The following DYNC2LI1 variants were observed in gnomAD, a reference collection of about 807,000 sequenced individuals.
The protein encoded by DYNC2LI1 is cytoplasmic dynein 2 light intermediate chain 1.
A neutral mutation model predicts 51.9 loss-of-function variants in DYNC2LI1; 45 were observed. That is an observed-to-expected ratio of 0.87 (90% CI 0.68 to 1.11). The LOEUF is 1.11. DYNC2LI1 is among the 50% of genes most tolerant of loss of function. The pLI is 0.00. For synonymous variants in DYNC2LI1, 130 were observed against 137.8 expected (o/e 0.94, Z 0.40); for missense variants, 490 against 417.4 (o/e 1.17, Z -1.51).
At chr2:43,792,212 C>T (rs12475203) in intron 5 of DYNC2LI1, among the ~76,000 whole-genome samples, 7,010 of 152,004 alleles carry the variant, frequency 0.046, 322 homozygotes, top group African/African-American at 0.11. Flanking sequence ...TGTAATAGCA[C>T]AATAATTTTT....
the DYNC2LI1 span, among the ~76,000 whole-genome samples, chr2:43,826,750 C>T: frequency 6.6e-6 from 1 of 152,214 alleles, no homozygotes; most frequent in Non-Finnish European, 1.5e-5. Flanking sequence ...TCCTCCAGGG[C>T]ACAGGGAGTA....
chr2:43,799,926 A>T (rs1296605806), intron 8 of DYNC2LI1, among the ~76,000 whole-genome samples: 2 of 152,214 alleles, frequency 1.3e-5, no homozygotes, highest in Non-Finnish European at 2.9e-5. Context: ...ATACATGAGT[A>T]TTCTCATTTG....
rs769975073 is a variant in DYNC2LI1 at position 43,794,508 on chromosome 2, G to A, written c.372G>A (p.Trp124Ter). The part of the protein sequence containing the change: ...VLDLSKPNDL[W>*]PTMENLLQAT... The stretch of plus-strand genomic sequence containing the variant: ...ATCTTTCAAAACCTAATGATCTCTG[G>A]CCCACCATGGAAAATCTCTTGCAAG... The change falls in exon 6 of 13, where the codon TGG becomes TGA. Residue 124 changes from tryptophan (W) to a stop codon, truncating the protein, a stop_gained. Coordinates refer to ENST00000260605, the MANE Select transcript of DYNC2LI1 (RefSeq NM_016008.4). LOFTEE classifies it high-confidence loss of function. 8.1e-5 allele frequency: 131 copies of A among 1,613,620 alleles called. No homozygotes were observed. The highest frequency in any genetic ancestry group is 1.1e-4 in the Non-Finnish European group (128 of 1,179,916).
At chr2:43,784,891 C>G (rs1673452819) in intron 3 of DYNC2LI1, among the ~76,000 whole-genome samples, 1 of 152,126 alleles carries the variant, frequency 6.6e-6, no homozygotes, top group African/African-American at 2.4e-5. Context: ...GAATATTACT[C>G]TCTATATAAC....
At chr2:43,802,846 G>C (rs1214981749) in intron 10 of DYNC2LI1, among the ~76,000 whole-genome samples, 1 of 152,122 alleles carries the variant, frequency 6.6e-6, no homozygotes, top group East Asian at 1.9e-4. Context: ...CAATTAGAAA[G>C]TGGGCAAAAG....
intron 8 of DYNC2LI1, among the ~76,000 whole-genome samples, chr2:43,797,117 T>G (rs1358412180): frequency 2.0e-5 from 3 of 152,152 alleles, no homozygotes; most frequent in Non-Finnish European, 2.9e-5. Context: ...TATATTCCCC[T>G]AAAAGAAAAA....
chr2:43,828,154 T>G, the DYNC2LI1 span: 3 of 1,613,082 alleles, frequency 1.9e-6, no homozygotes, highest in Non-Finnish European at 2.5e-6. Context: ...TGGGAGTCTC[T>G]GTGGCTGCTA....
At chr2:43,796,672 T>C in intron 7 of DYNC2LI1, 46 bp from the exon 8 acceptor site, 2 of 1,344,964 alleles carry the variant, frequency 1.5e-6, no homozygotes, top group Non-Finnish European at 2.1e-6. Context: ...CTTCCTGCTA[T>C]AGATATTTGG....
At chr2:43,824,516 G>T in the DYNC2LI1 span, 1 of 1,596,766 alleles carries the variant, frequency 6.3e-7, no homozygotes, top group South Asian at 1.1e-5. Context: ...CAGGAGTACT[G>T]GCCATAATAC....
At chr2:43,779,643 C>T (rs1271176841) in intron 2 of DYNC2LI1, among the ~76,000 whole-genome samples, 1 of 152,124 alleles carries the variant, frequency 6.6e-6, no homozygotes, top group Non-Finnish European at 1.5e-5. Context: ...GGAAAGCCTC[C>T]TGAAGAGAGT....
chr2:43,796,004 G>A (rs1157377786), intron 7 of DYNC2LI1, 46 bp downstream of exon 7: 8 of 1,369,900 alleles, frequency 5.8e-6, no homozygotes, highest in South Asian at 5.1e-5. Context: ...ATATATGGCT[G>A]TGCTTTTTAT....
the DYNC2LI1 span, chr2:43,822,593 T>A: frequency 5.1e-6 from 5 of 985,344 alleles, no homozygotes; most frequent in African/African-American, 1.7e-5. Context: ...TGTTGGTTTG[T>A]TCTCAGGTCT....
At chr2:43,804,289 T>A (rs1666167097) in intron 10 of DYNC2LI1, among the ~76,000 whole-genome samples, 2 of 152,220 alleles carry the variant, frequency 1.3e-5, no homozygotes, top group South Asian at 4.1e-4. Context: ...TAACAAATTA[T>A]ACTGCAGTGT....
intron 12 of DYNC2LI1, among the ~76,000 whole-genome samples, chr2:43,808,034 AAAC>A (rs1400436845): frequency 6.6e-6 from 1 of 152,182 alleles, no homozygotes; most frequent in Non-Finnish European, 1.5e-5. Context: ...AAGAATCTCA[AAAC>A]AACATTTTCA....
chr2:43,824,974 G>A, the DYNC2LI1 span: 2 of 1,613,924 alleles, frequency 1.2e-6, no homozygotes, highest in Admixed American at 3.3e-5. Context: ...GCGTGCCACA[G>A]AAAATCAGCT....
At chr2:43,790,130 C>T (rs141606870) in intron 5 of DYNC2LI1, among the ~76,000 whole-genome samples, 165 of 152,076 alleles carry the variant, frequency 1.1e-3, no homozygotes, top group African/African-American at 3.7e-3. Context: ...GAATTTAGTG[C>T]TAATTAATAT....
chr2:43,814,705 T>G (rs759924567), downstream of DYNC2LI1: 126 of 636,186 alleles, frequency 2.0e-4, no homozygotes, highest in Non-Finnish European at 2.9e-4. Context: ...TATCTCCTTA[T>G]TATAAAAATG....
At chr2:43,787,113 A>G in intron 3 of DYNC2LI1, 68 bp from the exon 4 acceptor site, 2 of 1,251,808 alleles carry the variant, frequency 1.6e-6, no homozygotes, top group South Asian at 2.6e-5. Flanking sequence ...AAAATGAATC[A>G]GGTAAGGTGA....
chr2:43,822,055 T>C, the DYNC2LI1 span, among the ~76,000 whole-genome samples: 14 of 152,284 alleles, frequency 9.2e-5, no homozygotes, highest in South Asian at 1.0e-3. Context: ...TTGATGGTCT[T>C]ATTTACCACA....
Sources: gnomAD v4.1 joint callset for allele counts (sites outside exome capture counted in the v4.1 genomes callset) on GRCh38, gnomAD v4.1.1 for gene constraint, MANE v1.5 for transcripts, NCBI Gene and HGNC (gene_info 2026-07-23, HGNC 2026-07-21) for gene names.